The following INSR variants were observed in gnomAD, a reference collection of about 807,000 sequenced individuals.
INSR encodes insulin receptor, also known as IR.
In INSR, 67 loss-of-function variants were observed where a neutral mutation model predicts 142.6. That is an observed-to-expected ratio of 0.47 (90% CI 0.39 to 0.58). The LOEUF (loss-of-function observed/expected upper bound fraction) is 0.58, where lower values mean the gene tolerates loss of function less well. INSR is among the 20% of genes least tolerant of loss of function. INSR has a pLI of 0.00. For synonymous variants in INSR, 756 were observed against 743.1 expected, an observed-to-expected ratio of 1.02 and a Z score of -0.28; for missense variants, 1,248 against 1,833.2, an observed-to-expected ratio of 0.68 and a Z score of 5.83.
At position 7,182,736 on chromosome 19, in the gene INSR, G is replaced by A. The variant is rs983195909; in HGVS notation, c.974+1580C>T. On this transcript the variant is annotated intron_variant, in intron 3 of 21. Transcript: ENST00000302850. ...TCAAAGGAGGTTGCTATATTTCTCA[G>A]GCCATTGTTAAGGTGAGGGAAAAAT... Among the ~76,000 whole-genome samples the A allele has an allele frequency of 2.0e-5, 3 of 151,864 alleles. No individual in the cohort carries two copies. The South Asian group carries it at 6.2e-4, about 32-fold the overall frequency.
intron 2 of INSR, among the ~76,000 whole-genome samples, chr19:7,228,826 A>C (rs1975862880): frequency 1.3e-5 from 2 of 152,214 alleles, no homozygotes; most frequent in Admixed American, 1.3e-4. Flanking sequence ...AGATGAATGG[A>C]CACATGGATG....
intron 2 of INSR, among the ~76,000 whole-genome samples, chr19:7,202,383 C>T (rs1446345165): frequency 6.6e-6 from 1 of 152,132 alleles, no homozygotes; most frequent in African/African-American, 2.4e-5. Flanking sequence ...ATCATTTAAA[C>T]CTCTGCCTTT....
At chr19:7,137,953 CTTTTTTCTTT>C (rs377612547) in intron 13 of INSR, among the ~76,000 whole-genome samples, 6 of 149,036 alleles carry the variant, frequency 4.0e-5, no homozygotes, top group African/African-American at 1.5e-4. Context: ...CCTTTTTCTT[CTTTTTTCTTT>C]TTCTTTTTTT....
chr19:7,187,705 T>G (rs1209041214), intron 2 of INSR, among the ~76,000 whole-genome samples: 1 of 151,944 alleles, frequency 6.6e-6, no homozygotes, highest in Non-Finnish European at 1.5e-5. Flanking sequence ...CTTGGGTAGC[T>G]GGAATAATGG....
chr19:7,275,223 C>A lies in INSR; in HGVS notation c.101-7327G>T, dbSNP rs76481018. Among the ~76,000 whole-genome samples, 12 of 152,058 alleles carry A rather than the reference C, an allele frequency of 7.9e-5. No individual in the cohort carries two copies. The East Asian group carries it at 2.4e-3, about 30-fold the overall frequency. On this transcript the variant is annotated intron_variant, in intron 1 of 21. Transcript: ENST00000302850. ...CTCCTGACCTCAGGTGATCCACCTG[C>A]CTTGGCCTCCCAAAGTGCTGGGATT...
Position 7,116,832 on chromosome 19 carries a change from G to A in INSR, c.*224C>T, listed in dbSNP as rs2860171. The A allele has an allele frequency of 0.022, 11,362 of 514,400 alleles. 186 individuals are homozygous for A. The highest frequency in any genetic ancestry group is 0.037 in the Middle Eastern group (71 of 1,920). The allele number at this position is 514,400 out of a possible 1,614,324, so 31.9% of individuals were successfully genotyped here. ...TCGTTGCCCCAAAGGAGCAGCAACTGTGGAAACCCCTTGCCCTCCAGGTTC... is the reference window on the plus strand; with the variant it reads ...TCGTTGCCCCAAAGGAGCAGCAACTATGGAAACCCCTTGCCCTCCAGGTTC... On this transcript the variant is annotated 3_prime_UTR_variant, in exon 22 of 22. Transcript: ENST00000302850.
chr19:7,152,759 T>A lies in INSR; in HGVS notation c.2198A>T (p.Glu733Val). The change falls in exon 10 of 22, where the codon GAG (glutamate) becomes GTG (valine). Residue 733 changes from glutamate (E) to valine (V), a missense_variant. Glu to Val is a moderately radical substitution (Grantham distance 121). Transcript: ENST00000302850. Reference protein sequence around the residue: ...LEESSFRKTFEDYLHNVVFVP... With the variant: ...LEESSFRKTFVDYLHNVVFVP... ...GAAAACCACGTTGTGCAGGTAATCC[T>A]CAAACGTCTTCCTAAACGAGGACTC... 1 of 1,613,060 alleles carries A rather than the reference T, an allele frequency of 6.2e-7. No individual in the cohort carries two copies. The highest frequency in any genetic ancestry group is 1.1e-5 in the South Asian group (1 of 91,032).
At chr19:7,130,870 T>C (rs1972760464) in intron 14 of INSR, among the ~76,000 whole-genome samples, 1 of 150,670 alleles carries the variant, frequency 6.6e-6, no homozygotes, top group Non-Finnish European at 1.5e-5. Flanking sequence ...TCTCTCTCTT[T>C]CACTCTTTCT....
chr19:7,175,171 AAC>A (rs1974108987), intron 3 of INSR, among the ~76,000 whole-genome samples: 1 of 151,956 alleles, frequency 6.6e-6, no homozygotes, highest in Non-Finnish European at 1.5e-5. Context: ...TATTTCTGAA[AAC>A]ACAGTCTGCC....
intron 1 of INSR, among the ~76,000 whole-genome samples, chr19:7,284,074 G>GT (rs936521568): frequency 3.1e-4 from 47 of 150,996 alleles, no homozygotes; most frequent in African/African-American, 9.7e-4. Context: ...GTTTTTTTGG[G>GT]TTTTTTTTGA....
chr19:7,282,708 C>T (rs753387095), intron 1 of INSR, among the ~76,000 whole-genome samples: 2 of 150,126 alleles, frequency 1.3e-5, no homozygotes, highest in African/African-American at 2.5e-5. Context: ...GCAACATGGC[C>T]AGGCGCAGTG....
chr19:7,230,889 C>A (rs1374018915), intron 2 of INSR, among the ~76,000 whole-genome samples: 1 of 152,100 alleles, frequency 6.6e-6, no homozygotes, highest in African/African-American at 2.4e-5. Context: ...GCAGCAAGGC[C>A]CTTTGCAGTA....
chr19:7,125,430 C>T lies in INSR; in HGVS notation c.3111G>A (p.Val1037=), dbSNP rs761203697. The change falls in exon 17 of 22, where the codon GTG becomes GTA. Residue 1037 remains valine (V), a synonymous_variant. Transcript: ENST00000302850. This position sits in a 1 kb window ranked among gnomAD's most constrained non-coding sequence, Gnocchi z 4.9. Reference sequence around the variant, plus strand: ...TGATGTCCCTGGCATTGCCCTCATACACCATGCCGAAGGAGCCCTGCCCCA... The same window carrying T: ...TGATGTCCCTGGCATTGCCCTCATATACCATGCCGAAGGAGCCCTGCCCCA... ...RELGQGSFGM[V]YEGNARDIIK... 1.5e-5 allele frequency: 24 copies of T among 1,614,064 alleles called. No homozygotes were observed. The highest frequency in any genetic ancestry group is 5.3e-5 in the African/African-American group (4 of 74,940).
At chr19:7,130,972 G>C (rs1004851268) in intron 14 of INSR, among the ~76,000 whole-genome samples, 10 of 117,574 alleles carry the variant, frequency 8.5e-5, no homozygotes, top group Non-Finnish European at 8.8e-5. Flanking sequence ...TCCGCCTCCC[G>C]GGTTCAAGTG....
chr19:7,204,872 G>A (rs1266098109), intron 2 of INSR, among the ~76,000 whole-genome samples: 1 of 152,224 alleles, frequency 6.6e-6, no homozygotes, highest in Non-Finnish European at 1.5e-5. Flanking sequence ...CTTGAGGTCA[G>A]GAACTCGAGA....
rs1471339294 is a variant in INSR at position 7,159,623 on chromosome 19, C to G, written c.2029+3409G>C. 3.3e-5 allele frequency: 5 copies of G among 151,928 alleles called. No homozygotes were observed. Among genetic ancestry groups the G allele is most frequent in the African/African-American group, 9.7e-5 (4 of 41,328 alleles). The allele number at this position is 151,928 out of a possible 1,614,324, so 9.4% of individuals were successfully genotyped here. A position where few individuals can be genotyped will look rare whatever the true frequency, so the allele number is the denominator to read the frequency against. On this transcript the variant is annotated intron_variant, in intron 9 of 21. Transcript: ENST00000302850. This position sits in a 1 kb window ranked among gnomAD's most constrained non-coding sequence, Gnocchi z 4.3. ...TGAATGCAGGGCCAACAGCTTACAG[C>G]GGAGCTGATGACTGGACTCGCCCTG...
chr19:7,158,418 G>C (rs993754270), intron 9 of INSR, among the ~76,000 whole-genome samples: 1 of 152,046 alleles, frequency 6.6e-6, no homozygotes, highest in Non-Finnish European at 1.5e-5. Flanking sequence ...GGAGAATGGC[G>C]TGAACCCGGG....
At chr19:7,206,703 A>G (rs1975113976) in intron 2 of INSR, among the ~76,000 whole-genome samples, 2 of 152,116 alleles carry the variant, frequency 1.3e-5, no homozygotes, top group African/African-American at 4.8e-5. Context: ...CAGTGAACAG[A>G]GATTGCACCA....
At chr19:7,178,420 A>G (rs1032747040) in intron 3 of INSR, among the ~76,000 whole-genome samples, 3 of 152,066 alleles carry the variant, frequency 2.0e-5, no homozygotes, top group Admixed American at 6.6e-5. Flanking sequence ...TGAGACTCCA[A>G]TTAAAACTCT....
Sources: gnomAD v4.1 joint callset for allele counts (sites outside exome capture counted in the v4.1 genomes callset) on GRCh38, gnomAD v4.1.1 for gene constraint, Gnocchi (gnomAD v3.1) non-coding constraint, MANE v1.5 for transcripts, NCBI Gene and HGNC (gene_info 2026-07-23, HGNC 2026-07-21) for gene names.